Variants in MBL2 observed in about 807,000 individuals in gnomAD.
MBL2 encodes mannose binding lectin 2.
MBL2 carries 6 observed loss-of-function variants against 12.7 expected under a neutral mutation model. The observed-to-expected ratio is 0.47, with a 90% CI of 0.26 to 0.94. The LOEUF is 0.94. Ranked by LOEUF, MBL2 falls within the 40% of genes least tolerant of loss-of-function variation. The pLI is 0.15. For synonymous variants in MBL2, 114 were observed against 112.0 expected (o/e 1.02, Z -0.11); for missense variants, 307 against 295.2 (o/e 1.04, Z -0.29).
rs779222681 is a variant in MBL2 at position 52,769,247 on chromosome 10, A to C, written c.373T>G (p.Trp125Gly). The change falls in exon 4 of 5, where the codon TGG (tryptophan) becomes GGG (glycine). Residue 125 changes from tryptophan to glycine, a missense_variant and splice_region_variant. By Grantham distance (184) the Trp-to-Gly change is radical. Transcript: ENST00000674931. ...LQTEMARIKK[W>G]LTFSLGKQVG... ...CTGGAGAGTAAGAGAAAAAGCTTAC[A>C]CTTTTTGATACGTGCCATTTCTGTT... 7 of 1,604,688 alleles carry C rather than the reference A, an allele frequency of 4.4e-6. No homozygotes were observed. Among genetic ancestry groups the C allele is most frequent in the Non-Finnish European group, 6.0e-6 (7 of 1,175,300 alleles).
chr10:52,771,827 A>G, intron 1 of MBL2, 183 bp from the exon 2 acceptor site: 1 of 794,844 alleles, frequency 1.3e-6, no homozygotes, highest in East Asian at 2.7e-5. Context: ...GTACTTTAAC[A>G]AAGGTAGGCA....
rs1840311182 is a variant in MBL2, at chr10:52,766,775, G to T, written c.*1362C>A. On this transcript the variant is annotated 3_prime_UTR_variant, in exon 5 of 5. Coordinates refer to ENST00000674931, the MANE Select transcript of MBL2 (RefSeq NM_001378373.1). ...ATACACATTAAAAAGGACATATTCA[G>T]AATGTAAAAATAACTTAAAAATCAG... The T allele has an allele frequency of 6.6e-6, 1 of 150,516 alleles. No individual in the cohort carries two copies. The highest frequency in any genetic ancestry group is 6.6e-5 in the Admixed American group (1 of 15,156). 9.3% of individuals were successfully genotyped at this position (150,516 alleles called of 1,614,324 possible).
chr10:52,768,590 G>T (rs948882770), intron 4 of MBL2, 80 bp from the exon 5 acceptor site: 2 of 1,095,982 alleles, frequency 1.8e-6, no homozygotes, highest in East Asian at 2.4e-5. Context: ...GTCTTCTAGA[G>T]TACAGTTGCC....
At chr10:52,769,169 T>C (rs1840352418) in intron 4 of MBL2, 78 bp downstream of exon 4, 3 of 911,388 alleles carry the variant, frequency 3.3e-6, no homozygotes, top group Non-Finnish European at 3.5e-6. Flanking sequence ...CAGAAAATTA[T>C]ATGCATTCAA....
At chr10:52,772,268 G>C (rs35451939) in intron 1 of MBL2, among the ~76,000 whole-genome samples, 1 of 152,054 alleles carries the variant, frequency 6.6e-6, no homozygotes, top group Non-Finnish European at 1.5e-5. Context: ...GGCTTGCCTG[G>C]GTAAGCATTT....
rs12255312 is a variant in MBL2, at chr10:52,771,105, T to G, written c.188-319A>C. Among the ~76,000 whole-genome samples, 399 of 152,282 alleles carry G rather than the reference T, an allele frequency of 2.6e-3. 2 individuals are homozygous for G. The highest frequency in any genetic ancestry group is 9.1e-3 in the African/African-American group (379 of 41,574). ...CAGATTCCCCCAGTAAAACCTATGT[T>G]TGTTTGCTGACTCCATCTCTTCTTT... On this transcript the variant is annotated intron_variant, in intron 2 of 4. Transcript: ENST00000674931.
In MBL2 at chr10:52,768,174, G is replaced by T; in HGVS notation, c.710C>A (p.Ser237Tyr). 6.2e-7 allele frequency: 1 copy of T among 1,611,698 alleles called. No individual in the cohort carries two copies. Among genetic ancestry groups the T allele is most frequent in the Middle Eastern group, 1.7e-4 (1 of 6,042 alleles). Residue 237 changes from serine to tyrosine, a missense_variant, in exon 5 of 5, where the codon TCC becomes TAC. Ser to Tyr is a moderately radical substitution (Grantham distance 144). Coordinates refer to ENST00000674931, the MANE Select transcript of MBL2 (RefSeq NM_001378373.1). ...KNGQWNDVPCSTSHLAVCEFP... is the reference protein window; with the variant it reads ...KNGQWNDVPCYTSHLAVCEFP... ...CTCACAGACGGCCAGATGGGAGGTGGAGCAGGGGACGTCATTCCACTGGCC... is the reference window on the plus strand; with the variant it reads ...CTCACAGACGGCCAGATGGGAGGTGTAGCAGGGGACGTCATTCCACTGGCC...
chr10:52,771,666 G>C (rs1449209132), intron 1 of MBL2, 22 bp from the exon 2 acceptor site: 1 of 1,604,380 alleles, frequency 6.2e-7, no homozygotes, highest in Admixed American at 1.7e-5. Context: ...AAAACTCAGG[G>C]AAGGTTAATC....
At position 52,767,140 on chromosome 10, in the gene MBL2, C is replaced by G. The variant is rs770959533; in HGVS notation, c.*997G>C. The G allele has an allele frequency of 6.6e-6, 1 of 152,028 alleles. No individual in the cohort carries two copies. Among genetic ancestry groups the G allele is most frequent in the Non-Finnish European group, 1.5e-5 (1 of 68,038 alleles). 9.4% of individuals were successfully genotyped at this position (152,028 alleles called of 1,614,324 possible). On this transcript the variant is annotated 3_prime_UTR_variant, in exon 5 of 5. Transcript: ENST00000674931. ...CTTTCCTCATCCTCTACCAGTTCCACTCCTGGATAGGTAGTGAAATTAGTG... is the reference window on the plus strand; with the variant it reads ...CTTTCCTCATCCTCTACCAGTTCCAGTCCTGGATAGGTAGTGAAATTAGTG...
At chr10:52,772,643 A>C (rs2132695807) in intron 1 of MBL2, 94 bp downstream of exon 1, 9 of 548,230 alleles carry the variant, frequency 1.6e-5, no homozygotes, top group Non-Finnish European at 2.1e-5. Context: ...CACTCCCCCC[A>C]CCCCTAGAAA....
chr10:52,770,821 T>G, intron 2 of MBL2, 35 bp from the exon 3 acceptor site: 5 of 1,175,908 alleles, frequency 4.3e-6, no homozygotes, highest in African/African-American at 1.6e-5. Flanking sequence ...ACTTAATATC[T>G]ATGTTCTTGC....
rs886047050 is a variant in MBL2 at position 52,767,848 on chromosome 10, G to A, written c.*289C>T. On this transcript the variant is annotated 3_prime_UTR_variant, in exon 5 of 5. Transcript: ENST00000674931. ...CATACTGCAGCAAGTTAACACTATC[G>A]AAAGCATTACAGATTAATTAAACTA... 14 of 246,690 alleles carry A rather than the reference G, an allele frequency of 5.7e-5. No homozygotes were observed. In the South Asian group the frequency reaches 8.4e-4, roughly 15 times the overall value. 15.3% of individuals were successfully genotyped at this position (246,690 alleles called of 1,614,324 possible). A position where few individuals can be genotyped will look rare whatever the true frequency, so the allele number is the denominator to read the frequency against.
In MBL2 at chr10:52,768,477, T is replaced by C; in HGVS notation, c.407A>G (p.Asn136Ser). ...TTCACCATTGGTCAGGAAGAACTTG[T>C]TCCCAACTTGTTTGCCCAGAGAGAA... is the stretch of plus-strand genomic sequence containing the variant. Reference protein sequence around the residue: ...LTFSLGKQVGNKFFLTNGEIM... With the variant: ...LTFSLGKQVGSKFFLTNGEIM... The change falls in exon 5 of 5, where the codon AAC becomes AGC. Residue 136 changes from asparagine (N) to serine (S), a missense_variant. By Grantham distance (46) the Asn-to-Ser change is conservative. Coordinates refer to ENST00000674931, the MANE Select transcript of MBL2 (RefSeq NM_001378373.1). The C allele has an allele frequency of 6.3e-7, 1 of 1,588,738 alleles. No individual in the cohort carries two copies. The highest frequency in any genetic ancestry group is 8.6e-7 in the Non-Finnish European group (1 of 1,169,058).
rs147320014 is a variant in MBL2 at position 52,766,393 on chromosome 10, A to G, written c.*1744T>C. 3.9e-5 allele frequency: 6 copies of G among 152,270 alleles called. No homozygotes were observed. The highest frequency in any genetic ancestry group is 1.4e-4 in the African/African-American group (6 of 41,574). The allele number at this position is 152,270 out of a possible 1,614,324, so 9.4% of individuals were successfully genotyped here. ...CAGACACACACACATACAGTTACCT[A>G]ACTTACAAAAATGCACCACCCTAGT... On this transcript the variant is annotated 3_prime_UTR_variant, in exon 5 of 5. Coordinates refer to ENST00000674931, the MANE Select transcript of MBL2 (RefSeq NM_001378373.1).
intron 1 of MBL2, among the ~76,000 whole-genome samples, chr10:52,772,056 A>G (rs1840402638): frequency 1.3e-5 from 2 of 152,244 alleles, no homozygotes; most frequent in African/African-American, 4.8e-5. Flanking sequence ...CTTCGGGTCC[A>G]TCTGCCACCT....
At chr10:52,769,546 G>A (rs191258201) in intron 3 of MBL2, among the ~76,000 whole-genome samples, 21 of 152,190 alleles carry the variant, frequency 1.4e-4, no homozygotes, top group Middle Eastern at 3.4e-3. Flanking sequence ...CCCAAAGTAC[G>A]CATACATATC....
At chr10:52,769,432 T>C (rs1840357855) in intron 3 of MBL2, 117 bp from the exon 4 acceptor site, 1 of 615,770 alleles carries the variant, frequency 1.6e-6, no homozygotes, top group Non-Finnish European at 2.9e-6. Flanking sequence ...TTTACATTGA[T>C]GTTTACACTT....
chr10:52,771,730 G>T (rs45602536), intron 1 of MBL2, 86 bp from the exon 2 acceptor site: 25,626 of 1,487,464 alleles, frequency 0.017, 293 homozygotes, highest in South Asian at 0.031. Context: ...CAATCTGGGT[G>T]CAGGCTATAT....
At chr10:52,768,914 G>A (rs1428840036) in intron 4 of MBL2, among the ~76,000 whole-genome samples, 14 of 151,974 alleles carry the variant, frequency 9.2e-5, no homozygotes, top group Admixed American at 9.2e-4. Context: ...AGGCAGGTTA[G>A]ACCCCACGGC....
Sources: allele counts gnomAD v4.1 joint callset (sites outside exome capture counted in the v4.1 genomes callset), GRCh38; gene constraint gnomAD v4.1.1; transcripts MANE v1.5; gene names NCBI Gene and HGNC (gene_info 2026-07-23, HGNC 2026-07-21).